Variants in IL17D observed in about 807,000 individuals in gnomAD.
The protein encoded by IL17D is interleukin 17D.
A neutral mutation model predicts 5.7 loss-of-function variants in IL17D; 10 were observed. That is an observed-to-expected ratio of 1.75 (90% CI 1.08 to 2.97). The LOEUF (loss-of-function observed/expected upper bound fraction) is 2.97. Among genes scored for constraint, IL17D ranks in the 30% most tolerant of loss-of-function variants. The probability of loss-of-function intolerance (pLI) is 0.00; values close to 1 mark genes in which losing one functional copy is unlikely to be tolerated. For missense variants in IL17D, 354 were observed against 292.7 expected (o/e 1.21, Z -1.53); for synonymous variants, 172 against 141.7 (o/e 1.21, Z -1.52).
At position 20,708,155 on chromosome 13, in the gene IL17D, T is replaced by G. The variant is rs186228285; in HGVS notation, c.290+3864T>G. Among the ~76,000 whole-genome samples the G allele has an allele frequency of 2.5e-3, 378 of 152,228 alleles. 2 individuals carry two copies. Among genetic ancestry groups the G allele is most frequent in the Admixed American group, 4.5e-3 (69 of 15,284 alleles). ...CTCGAACTCCTGGCCTCAAGTGATC[T>G]GCCTGCCTTGGCTTCCTAAAGTGCT... is the stretch of plus-strand genomic sequence containing the variant. On this transcript the variant is annotated intron_variant, in intron 1 of 1. Transcript: ENST00000682841.
upstream of IL17D, chr13:20,703,628 G>A (rs1306465862): frequency 1.2e-5 from 2 of 161,186 alleles, no homozygotes; most frequent in African/African-American, 2.4e-5. Context: ...GCGCCCGGGG[G>A]TGAGGGTGCG....
Position 20,722,360 on chromosome 13 carries a change from AT to A in IL17D, c.*407del, listed in dbSNP as rs2058744067. On this transcript the variant is annotated 3_prime_UTR_variant, in exon 2 of 2. Transcript: ENST00000682841. ...TTTTTAAAGCAATCTAAAAATAATA[AT>A]AAGTATAGCGACTATATACCTACTT... 1 of 178,446 alleles carries A rather than the reference AT, an allele frequency of 5.6e-6. No homozygotes were observed. Among genetic ancestry groups the A allele is most frequent in the Non-Finnish European group, 1.2e-5 (1 of 86,426 alleles). 11.1% of individuals were successfully genotyped at this position (178,446 alleles called of 1,614,324 possible).
In IL17D at chr13:20,722,298, C is replaced by A; in HGVS notation, c.*344C>A. On this transcript the variant is annotated 3_prime_UTR_variant, in exon 2 of 2. Coordinates refer to ENST00000682841, the MANE Select transcript of IL17D (RefSeq NM_001385224.1). ...GCTGCGGGTGCAGGGCGTGACTCACCGCTGGGTGCTTGCCAAAGAGATAGG... is the reference window on the plus strand; with the variant it reads ...GCTGCGGGTGCAGGGCGTGACTCACAGCTGGGTGCTTGCCAAAGAGATAGG... 2 of 300,542 alleles carry A rather than the reference C, an allele frequency of 6.7e-6. No homozygotes were observed. Among genetic ancestry groups the A allele is most frequent in the East Asian group, 6.2e-5 (1 of 16,174 alleles). The allele number at this position is 300,542 out of a possible 1,614,324, so 18.6% of individuals were successfully genotyped here.
At chr13:20,720,614 G>A (rs2058723756) in intron 1 of IL17D, among the ~76,000 whole-genome samples, 1 of 152,208 alleles carries the variant, frequency 6.6e-6, no homozygotes, top group African/African-American at 2.4e-5. Flanking sequence ...CTGCCAGCAA[G>A]GCCACCTGGC....
chr13:20,721,775 C>T lies in IL17D; in HGVS notation c.430C>T (p.Arg144Cys). 3 of 1,609,498 alleles carry T rather than the reference C, an allele frequency of 1.9e-6. No individual in the cohort carries two copies. Among genetic ancestry groups the T allele is most frequent in the Non-Finnish European group, 8.5e-7 (1 of 1,179,740 alleles). The stretch of plus-strand genomic sequence containing the variant: ...TGTCTACATGCCCACCGTCGTCCTG[C>T]GCCGCACCCCCGCCTGCGCCGGCGG... ...APVYMPTVVLRRTPACAGGRS... is the reference protein window; with the variant it reads ...APVYMPTVVLCRTPACAGGRS... The change falls in exon 2 of 2, where the codon CGC becomes TGC. Residue 144 changes from arginine to cysteine, a missense_variant. Transcript: ENST00000682841.
Position 20,716,413 on chromosome 13 carries a change from T to C in IL17D, c.291-5223T>C, listed in dbSNP as rs2141393670. Among the ~76,000 whole-genome samples, 1 of 152,350 alleles carries C rather than the reference T, an allele frequency of 6.6e-6. No homozygotes were observed. The highest frequency in any genetic ancestry group is 1.5e-5 in the Non-Finnish European group (1 of 68,034). ...AATTGCACTGACTTTATAGATTAAT[T>C]GGAATTTTCCAAGACCTTAGAGACT... On this transcript the variant is annotated intron_variant, in intron 1 of 1. Transcript: ENST00000682841. The surrounding 1 kb of genome is among the most constrained non-coding windows in gnomAD (Gnocchi z 4.2).
At chr13:20,708,960 C>CAAAAAA (rs59047970) in intron 1 of IL17D, among the ~76,000 whole-genome samples, 3 of 65,218 alleles carry the variant, frequency 4.6e-5, no homozygotes, top group East Asian at 4.6e-4. Context: ...GACTCTGTCT[C>CAAAAAA]AAAAAAAAAA....
chr13:20,704,037 G>A lies in IL17D; in HGVS notation c.36G>A (p.Pro12=). Reference sequence around the variant, plus strand: ...CCGGCTTCCTGCTGGCGCTGCCGCCGAGCTGGGCCGCGGGCGCCCCGAGGG... The same window carrying A: ...CCGGCTTCCTGCTGGCGCTGCCGCCAAGCTGGGCCGCGGGCGCCCCGAGGG... ...LVAGFLLALP[P]SWAAGAPRAG... is the part of the protein sequence containing the mutation. The change falls in exon 1 of 2, where the codon CCG becomes CCA. Residue 12 remains proline, a synonymous_variant. Transcript: ENST00000682841. 9.6e-7 allele frequency: 1 copy of A among 1,043,828 alleles called. No homozygotes were observed. The highest frequency in any genetic ancestry group is 1.7e-5 in the African/African-American group (1 of 57,792). 64.7% of individuals were successfully genotyped at this position (1,043,828 alleles called of 1,614,324 possible).
intron 1 of IL17D, among the ~76,000 whole-genome samples, chr13:20,707,165 T>G (rs2058597292): frequency 6.6e-6 from 1 of 151,740 alleles, no homozygotes; most frequent in Non-Finnish European, 1.5e-5. Flanking sequence ...TTGGGAAGAT[T>G]AGAAAAAGTG....
At position 20,710,628 on chromosome 13, in the gene IL17D, TA is replaced by T. The variant is rs11445353; in HGVS notation, c.290+6361del. On this transcript the variant is annotated intron_variant, in intron 1 of 1. Transcript: ENST00000682841. ...TGGGCAACAAAAGCAAAACTCTGTC[TA>T]AAAAAAAAAAAAAAAAAAAAAAAGA... Among the ~76,000 whole-genome samples the T allele has an allele frequency of 6.5e-3, 362 of 55,288 alleles. 2 individuals carry two copies. Among genetic ancestry groups the T allele is most frequent in the African/African-American group, 0.023 (289 of 12,514 alleles). The allele number at this position is 55,288 out of a possible 152,430, so 36.3% of individuals were successfully genotyped here.
intron 1 of IL17D, among the ~76,000 whole-genome samples, chr13:20,706,266 G>A (rs1168229659): frequency 6.6e-6 from 1 of 152,192 alleles, no homozygotes; most frequent in Non-Finnish European, 1.5e-5. Context: ...TCCATTTCCA[G>A]GACCTGAAGG....
intron 1 of IL17D, among the ~76,000 whole-genome samples, chr13:20,708,673 A>G (rs2058608938): frequency 6.6e-6 from 1 of 151,986 alleles, no homozygotes; most frequent in African/African-American, 2.4e-5. Context: ...CAAAGAGCTC[A>G]TTCCTAAAGA....
intron 1 of IL17D, among the ~76,000 whole-genome samples, chr13:20,708,370 T>C (rs2058606737): frequency 6.6e-6 from 1 of 152,188 alleles, no homozygotes; most frequent in Non-Finnish European, 1.5e-5. Context: ...GAGACCTGGG[T>C]CATTCAGTAA....
chr13:20,710,818 C>A (rs1450291573), intron 1 of IL17D, among the ~76,000 whole-genome samples: 1 of 151,964 alleles, frequency 6.6e-6, no homozygotes, highest in Non-Finnish European at 1.5e-5. Context: ...AACTCCTTTC[C>A]TCTGGACAAT....
At chr13:20,702,141 C>T (rs2058551361), upstream of IL17D, 1 of 152,136 alleles carries the variant, frequency 6.6e-6, no homozygotes, top group Non-Finnish European at 1.5e-5. Flanking sequence ...AGTACTGAAA[C>T]CTTTATTCCC....
rs893642218 is a variant in IL17D, at chr13:20,716,763, G to C, written c.291-4873G>C. Among the ~76,000 whole-genome samples the C allele has an allele frequency of 6.6e-6, 1 of 152,226 alleles. No individual in the cohort carries two copies. The highest frequency in any genetic ancestry group is 1.5e-5 in the Non-Finnish European group (1 of 68,032). On this transcript the variant is annotated intron_variant, in intron 1 of 1. Coordinates refer to ENST00000682841, the MANE Select transcript of IL17D (RefSeq NM_001385224.1). The surrounding 1 kb of genome is among the most constrained non-coding windows in gnomAD (Gnocchi z 4.2). ...CACATTTCGGTGCTTGTGGGTTCTA[G>C]CCAAGATTGGAGAAGGCATTGCCCC...
intron 1 of IL17D, among the ~76,000 whole-genome samples, chr13:20,718,294 C>A (rs1042671166): frequency 6.6e-6 from 1 of 152,160 alleles, no homozygotes; most frequent in Non-Finnish European, 1.5e-5. Flanking sequence ...CTCACCATGA[C>A]TCCAGCCTGC....
rs77202596 is a variant in IL17D at position 20,705,949 on chromosome 13, C to T, written c.290+1658C>T. On this transcript the variant is annotated intron_variant, in intron 1 of 1. Transcript: ENST00000682841. ...GGAAATGTGATGATTTTGTCTAAAA[C>T]GCATCTGGGCTTTCCTGGAGCCTCT... Among the ~76,000 whole-genome samples the T allele has an allele frequency of 1.7e-3, 252 of 152,298 alleles. 1 individual carries two copies. Among genetic ancestry groups the T allele is most frequent in the African/African-American group, 5.8e-3 (243 of 41,562 alleles).
chr13:20,707,998 C>T (rs1252378923), intron 1 of IL17D, among the ~76,000 whole-genome samples: 1 of 152,184 alleles, frequency 6.6e-6, no homozygotes, highest in Non-Finnish European at 1.5e-5. Flanking sequence ...CTACAACCTC[C>T]ATCTCCTGGG....
Sources: gnomAD v4.1 joint callset for allele counts (sites outside exome capture counted in the v4.1 genomes callset) on GRCh38, gnomAD v4.1.1 for gene constraint, Gnocchi (gnomAD v3.1) non-coding constraint, MANE v1.5 for transcripts, NCBI Gene and HGNC (gene_info 2026-07-23, HGNC 2026-07-21) for gene names.